The following SEC23B variants were observed in gnomAD, a reference collection of about 807,000 sequenced individuals.
The protein encoded by SEC23B is protein transport protein Sec23B.
In SEC23B, 77 loss-of-function variants were observed where a neutral mutation model predicts 104.3. That is an observed-to-expected ratio of 0.74 (90% CI 0.61 to 0.89). SEC23B has a LOEUF of 0.89. Among genes scored for constraint, SEC23B ranks in the 40% least tolerant of loss-of-function variants. The probability of loss-of-function intolerance (pLI) is 0.00; values close to 1 mark genes in which losing one functional copy is unlikely to be tolerated. For synonymous variants in SEC23B, 338 were observed against 332.5 expected, an observed-to-expected ratio of 1.02 and a Z score of -0.18; for missense variants, 885 against 949.4, an observed-to-expected ratio of 0.93 and a Z score of 0.89.
chr20:18,530,849 C>A (rs761479651), intron 10 of SEC23B, 46 bp downstream of exon 10: 1 of 1,505,576 alleles, frequency 6.6e-7, no homozygotes, highest in Admixed American at 1.7e-5. Flanking sequence ...ACTGTACTGC[C>A]CAGGCTGGTC....
intron 10 of SEC23B, among the ~76,000 whole-genome samples, chr20:18,531,708 A>G (rs2060189551): frequency 6.9e-6 from 1 of 145,722 alleles, no homozygotes; most frequent in African/African-American, 2.5e-5. Flanking sequence ...CCATGTAGGG[A>G]CTCATGGCCC....
intron 12 of SEC23B, among the ~76,000 whole-genome samples, chr20:18,536,978 A>AG (rs1334765072): frequency 3.9e-5 from 6 of 152,306 alleles, no homozygotes; most frequent in African/African-American, 1.4e-4. Flanking sequence ...AGGAGGAGGA[A>AG]GAGGAGGGTT....
At chr20:18,525,714 T>C in intron 6 of SEC23B, 74 bp from the exon 7 acceptor site, 1 of 1,489,770 alleles carries the variant, frequency 6.7e-7, no homozygotes, top group South Asian at 1.1e-5. Context: ...AGAGCAGTAA[T>C]TATGTGGCAC....
intron 19 of SEC23B, among the ~76,000 whole-genome samples, chr20:18,559,015 C>G (rs1406218929): frequency 8.2e-6 from 1 of 122,276 alleles, no homozygotes; most frequent in Non-Finnish European, 1.6e-5. Flanking sequence ...GACCCTGGAT[C>G]TTATTTAAAC....
chr20:18,515,515 GT>G (rs2060016649), intron 3 of SEC23B, 134 bp from the exon 4 acceptor site: 2 of 674,920 alleles, frequency 3.0e-6, no homozygotes, highest in Admixed American at 2.1e-5. Context: ...GTCTCACAGT[GT>G]TGCCCAAGCT....
intron 17 of SEC23B, among the ~76,000 whole-genome samples, chr20:18,552,793 G>A (rs12626089): frequency 0.12 from 18,978 of 152,082 alleles, 1,270 homozygotes; most frequent in Admixed American, 0.18. Flanking sequence ...CAGCCTGGAC[G>A]ACAGAGTGAG....
intron 19 of SEC23B, among the ~76,000 whole-genome samples, chr20:18,558,379 C>A (rs147124105): frequency 6.6e-6 from 1 of 152,148 alleles, no homozygotes; most frequent in African/African-American, 2.4e-5. Flanking sequence ...GTAATTATGA[C>A]ATGTCTTGGC....
chr20:18,533,740 G>T (rs939048126), intron 11 of SEC23B, among the ~76,000 whole-genome samples: 2 of 152,200 alleles, frequency 1.3e-5, no homozygotes, highest in African/African-American at 4.8e-5. Flanking sequence ...AGCCTTCTGA[G>T]TGAGGCAGAT....
chr20:18,557,179 C>T (rs1316143517), intron 19 of SEC23B, among the ~76,000 whole-genome samples: 15 of 152,184 alleles, frequency 9.9e-5, no homozygotes, highest in South Asian at 8.3e-4. Flanking sequence ...TTTCATCTTA[C>T]GTACTTTTTT....
chr20:18,519,537 A>G (rs2060064082), intron 4 of SEC23B, among the ~76,000 whole-genome samples: 1 of 152,220 alleles, frequency 6.6e-6, no homozygotes, highest in African/African-American at 2.4e-5. Context: ...AAAAGGCTAC[A>G]GTGCGCGGTC....
intron 17 of SEC23B, among the ~76,000 whole-genome samples, chr20:18,552,634 C>T (rs1379480044): frequency 1.3e-5 from 2 of 151,998 alleles, no homozygotes; most frequent in South Asian, 2.1e-4. Flanking sequence ...GCCAACATAG[C>T]GAAACCCTGT....
Position 18,515,705 on chromosome 20 carries a change from C to A in SEC23B, c.335C>A (p.Pro112His). The change falls in exon 4 of 20, where the codon CCC (proline) becomes CAC (histidine). Residue 112 changes from proline (P) to histidine (H), a missense_variant. Physicochemically the swap from Pro to His is moderately conservative, Grantham distance 77. Transcript: ENST00000650089. ...GTGAATCAACCTGCCGAATTGATGC[C>A]CCAGTTTTCTACAATTGAGTACGTG... Reference protein sequence around the residue: ...SEVNQPAELMPQFSTIEYVIQ... With the variant: ...SEVNQPAELMHQFSTIEYVIQ... 1 of 1,609,976 alleles carries A rather than the reference C, an allele frequency of 6.2e-7. No homozygotes were observed. The highest frequency in any genetic ancestry group is 8.5e-7 in the Non-Finnish European group (1 of 1,176,232).
At chr20:18,517,381 C>G (rs1479521884) in intron 4 of SEC23B, among the ~76,000 whole-genome samples, 8 of 152,138 alleles carry the variant, frequency 5.3e-5, no homozygotes, top group Non-Finnish European at 7.4e-5. Context: ...GGGGAGATTA[C>G]AAAGTACATT....
intron 4 of SEC23B, among the ~76,000 whole-genome samples, chr20:18,523,178 C>T (rs2060099966): frequency 6.6e-6 from 1 of 151,994 alleles, no homozygotes; most frequent in Admixed American, 6.5e-5. Flanking sequence ...CCACGTGTTA[C>T]CACTCCAACC....
chr20:18,524,974 C>G lies in SEC23B; in HGVS notation c.643C>G (p.Gln215Glu), dbSNP rs752603613. ...GLTKPAMPMQ[Q>E]ARPAQPQEHP... ...GACCAAGCCAGCCATGCCCATGCAG[C>G]AAGCACGACCTGCACAACCACAGGA... Residue 215 changes from glutamine to glutamate, a missense_variant, in exon 6 of 20, where the codon CAA becomes GAA. Physicochemically the swap from Gln to Glu is conservative, Grantham distance 29. Coordinates refer to ENST00000650089, the MANE Select transcript of SEC23B (RefSeq NM_006363.6). 1.4e-5 allele frequency: 22 copies of G among 1,613,980 alleles called. No homozygotes were observed. Among genetic ancestry groups the G allele is most frequent in the Non-Finnish European group, 1.9e-5 (22 of 1,179,988 alleles).
chr20:18,545,989 C>T lies in SEC23B; in HGVS notation c.1699C>T (p.Pro567Ser). The T allele has an allele frequency of 6.3e-7, 1 of 1,592,656 alleles. No homozygotes were observed. The highest frequency in any genetic ancestry group is 8.6e-7 in the Non-Finnish European group (1 of 1,160,606). The part of the protein sequence containing the change: ...QKFGQYNKED[P>S]TSFRLSDSFS... ...GTTTGGACAGTATAACAAAGAAGAC[C>T]CCACTTCTTTTAGGTTATCAGATTC... Residue 567 changes from proline to serine, a missense_variant, in exon 15 of 20, where the codon CCC becomes TCC. Coordinates refer to ENST00000650089, the MANE Select transcript of SEC23B (RefSeq NM_006363.6).
chr20:18,515,372 G>T (rs749856692), intron 3 of SEC23B, among the ~76,000 whole-genome samples: 1 of 151,870 alleles, frequency 6.6e-6, no homozygotes, highest in Non-Finnish European at 1.5e-5. Flanking sequence ...GTGCAGTGGC[G>T]CAATCATGGC....
intron 15 of SEC23B, 140 bp from the exon 16 acceptor site, chr20:18,548,469 C>T (rs563132651): frequency 5.0e-6 from 4 of 795,284 alleles, no homozygotes; most frequent in East Asian, 5.3e-5. Flanking sequence ...CCTGGTGCCC[C>T]CTTATGCTTT....
At chr20:18,555,523 G>A (rs189748316) in intron 19 of SEC23B, among the ~76,000 whole-genome samples, 5 of 151,700 alleles carry the variant, frequency 3.3e-5, no homozygotes, top group African/African-American at 7.3e-5. Context: ...TGTCACCATC[G>A]GTTTTGCCGC....
Sources: gnomAD v4.1 joint callset for allele counts (sites outside exome capture counted in the v4.1 genomes callset) on GRCh38, gnomAD v4.1.1 for gene constraint, MANE v1.5 for transcripts, NCBI Gene and HGNC (gene_info 2026-07-23, HGNC 2026-07-21) for gene names.